CORO7: variants seen among roughly 807,000 people sequenced by gnomAD.
The protein encoded by CORO7 is coronin-7.
CORO7 carries 107 observed loss-of-function variants against 126.6 expected under a neutral mutation model. The observed-to-expected ratio is 0.85, with a 90% CI of 0.72 to 0.99. The LOEUF (loss-of-function observed/expected upper bound fraction) is 0.99, where lower values mean the gene tolerates loss of function less well. Among genes scored for constraint, CORO7 ranks in the 50% least tolerant of loss-of-function variants. The probability of loss-of-function intolerance (pLI) is 0.00; values close to 1 mark genes in which losing one functional copy is unlikely to be tolerated. For synonymous variants in CORO7, 603 were observed against 536.8 expected, an observed-to-expected ratio of 1.12 and a Z score of -1.70; for missense variants, 1,314 against 1,255.8, an observed-to-expected ratio of 1.05 and a Z score of -0.70.
Position 4,364,376 on chromosome 16 carries a change from T to G in CORO7, c.1175A>C (p.His392Pro). 6.6e-7 allele frequency: 1 copy of G among 1,514,876 alleles called. No individual in the cohort carries two copies. The highest frequency in any genetic ancestry group is 2.3e-5 in the East Asian group (1 of 43,634). 93.8% of individuals were successfully genotyped at this position (1,514,876 alleles called of 1,614,324 possible). A position where few individuals can be genotyped will look rare whatever the true frequency, so the allele number is the denominator to read the frequency against. The change falls in exon 14 of 28, where the codon CAC (histidine) becomes CCC (proline). Residue 392 changes from histidine to proline, a missense_variant. Coordinates refer to ENST00000251166, the MANE Select transcript of CORO7 (RefSeq NM_024535.5). ...KVSLNPACRP[H>P]PSFTSCLVPP... ...CACCAGACAGGAAGTGAAGCTCGGG[T>G]GGGGCCGGCAGGCGGGGTTGAGGCT...
chr16:4,414,270 A>C (rs2141340626), intron 1 of CORO7: 1 of 152,070 alleles, frequency 6.6e-6, no homozygotes, highest in East Asian at 1.9e-4. Flanking sequence ...AAGCTCAGAG[A>C]GGGGAACCAC....
intron 23 of CORO7, chr16:4,358,714 C>T (rs894575930): frequency 9.3e-6 from 4 of 428,578 alleles, no homozygotes; most frequent in Non-Finnish European, 8.3e-6. Flanking sequence ...GCAGCTTCTA[C>T]GTGCCACCTC....
intron 9 of CORO7, among the ~76,000 whole-genome samples, chr16:4,375,604 C>A (rs1331583163): frequency 1.3e-5 from 2 of 152,254 alleles, no homozygotes; most frequent in South Asian, 4.1e-4. Flanking sequence ...TCTCCTGCCT[C>A]AGCCTCCCAA....
Position 4,355,381 on chromosome 16 carries a change from G to C in CORO7, c.2686-9C>G, listed in dbSNP as rs1335131237. ...ACCATGGCATTCAGCAGCTGGGAGA[G>C]AGGGCAGAAGAAGGGTAGGTAAGGG... On this transcript the variant is annotated splice_polypyrimidine_tract_variant and intron_variant, in intron 26 of 27. Transcript: ENST00000251166. 2.5e-6 allele frequency: 4 copies of C among 1,606,228 alleles called. No individual in the cohort carries two copies. The highest frequency in any genetic ancestry group is 3.4e-6 in the Non-Finnish European group (4 of 1,178,762).
At chr16:4,388,500 G>C (rs1272669192) in intron 8 of CORO7, 45 bp downstream of exon 8, 7 of 1,587,636 alleles carry the variant, frequency 4.4e-6, no homozygotes, top group Non-Finnish European at 6.0e-6. Flanking sequence ...GGCTGGACAT[G>C]TCCCCACCTG....
intron 9 of CORO7, among the ~76,000 whole-genome samples, chr16:4,366,630 C>G (rs1383552913): frequency 2.0e-5 from 3 of 151,330 alleles, no homozygotes; most frequent in African/African-American, 7.3e-5. Context: ...CAGCCTCAAC[C>G]TCCTGGGCTC....
intron 3 of CORO7, among the ~76,000 whole-genome samples, chr16:4,410,078 T>C (rs1051445000): frequency 6.6e-6 from 1 of 152,226 alleles, no homozygotes; most frequent in South Asian, 2.1e-4. Flanking sequence ...GCTCACCACC[T>C]TGCAAGCATC....
At chr16:4,411,009 G>A (rs1470429146) in intron 3 of CORO7, among the ~76,000 whole-genome samples, 1 of 152,200 alleles carries the variant, frequency 6.6e-6, no homozygotes, top group Non-Finnish European at 1.5e-5. Flanking sequence ...TGGATTAACT[G>A]CAAAGGGGCA....
intron 8 of CORO7, 101 bp from the exon 9 acceptor site, chr16:4,388,169 G>A: frequency 6.9e-7 from 1 of 1,445,962 alleles, no homozygotes; most frequent in Non-Finnish European, 9.4e-7. Context: ...CCTGACACGG[G>A]GCACCTGCCC....
At chr16:4,364,474 A>G in intron 13 of CORO7, 61 bp from the exon 14 acceptor site, 1 of 1,476,956 alleles carries the variant, frequency 6.8e-7, no homozygotes, top group Admixed American at 2.4e-5. Context: ...GAGGGCCCCC[A>G]TGGGAGGGTC....
intron 5 of CORO7, 120 bp downstream of exon 5, chr16:4,407,381 T>C: frequency 3.4e-6 from 4 of 1,168,422 alleles, no homozygotes; most frequent in Non-Finnish European, 4.8e-6. Context: ...TTTTATACTA[T>C]GTAAGTGTAA....
intron 9 of CORO7, among the ~76,000 whole-genome samples, chr16:4,384,905 G>A (rs924474177): frequency 3.3e-5 from 5 of 152,180 alleles, no homozygotes; most frequent in Admixed American, 6.5e-5. Context: ...TGCTGAACAC[G>A]GCGGCTGCTG....
intron 6 of CORO7, among the ~76,000 whole-genome samples, chr16:4,395,996 T>TG (rs55837244): frequency 0.035 from 5,261 of 151,210 alleles, 315 homozygotes; most frequent in African/African-American, 0.12. Flanking sequence ...CATGCACACG[T>TG]TGTGTGTGTG....
At chr16:4,408,091 G>A in intron 4 of CORO7, 90 bp downstream of exon 4, 1 of 1,581,924 alleles carries the variant, frequency 6.3e-7, no homozygotes, top group Middle Eastern at 1.8e-4. Context: ...CTGGGAGGCA[G>A]CAGAGCCCTG....
At chr16:4,405,452 G>T in intron 6 of CORO7, 39 bp downstream of exon 6, 1 of 1,600,246 alleles carries the variant, frequency 6.2e-7, no homozygotes. Context: ...CAGGAGGCCT[G>T]CACAGAGCCC....
intron 1 of CORO7, chr16:4,415,907 G>T: frequency 1.0e-6 from 1 of 985,802 alleles, no homozygotes. Flanking sequence ...GAAAGAGCTT[G>T]CGCCAGCGGC....
intron 6 of CORO7, among the ~76,000 whole-genome samples, chr16:4,403,907 G>T (rs2055902348): frequency 6.6e-6 from 1 of 152,160 alleles, no homozygotes. Flanking sequence ...CATCCCTCAA[G>T]GACCGGCCTC....
At chr16:4,405,612 C>A (rs1224794045) in intron 5 of CORO7, 45 bp from the exon 6 acceptor site, 1 of 1,597,710 alleles carries the variant, frequency 6.3e-7, no homozygotes, top group South Asian at 1.1e-5. Flanking sequence ...GTGAGGGCAC[C>A]AGGGAAGTGG....
In CORO7 at chr16:4,380,725, G is replaced by T. The variant is rs77076749; in HGVS notation, c.785+7261C>A. 14 of 889,692 alleles carry T rather than the reference G, an allele frequency of 1.6e-5. No homozygotes were observed. In the South Asian group the frequency reaches 2.6e-4, roughly 16 times the overall value. The allele number at this position is 889,692 out of a possible 1,614,324, so 55.1% of individuals were successfully genotyped here. ...GGGGCTGGGACAGAACCTGGGTCGGGGCACTGGCGACCTGACTCATAACCA... is the reference window on the plus strand; with the variant it reads ...GGGGCTGGGACAGAACCTGGGTCGGTGCACTGGCGACCTGACTCATAACCA... On this transcript the variant is annotated intron_variant, in intron 9 of 27. Coordinates refer to ENST00000251166, the MANE Select transcript of CORO7 (RefSeq NM_024535.5).
Sources: gnomAD v4.1 joint callset for allele counts (sites outside exome capture counted in the v4.1 genomes callset) on GRCh38, gnomAD v4.1.1 for gene constraint, MANE v1.5 for transcripts, NCBI Gene and HGNC (gene_info 2026-07-23, HGNC 2026-07-21) for gene names.